The following SOS2 variants were observed in gnomAD, a reference collection of about 807,000 sequenced individuals.
SOS2 encodes the protein son of sevenless homolog 2.
Under a neutral mutation model 148.2 loss-of-function variants are expected in SOS2, and 65 were observed. That is an observed-to-expected ratio of 0.44 (90% CI 0.36 to 0.54). The LOEUF is 0.54. Among genes scored for constraint, SOS2 ranks in the 20% least tolerant of loss-of-function variants. The pLI is 0.00. For missense variants in SOS2, 1,341 were observed against 1,590.2 expected, an observed-to-expected ratio of 0.84 and a Z score of 2.67; for synonymous variants, 539 against 537.1, an observed-to-expected ratio of 1.00 and a Z score of -0.05.
chr14:50,134,580 T>C (rs558097002), intron 18 of SOS2, among the ~76,000 whole-genome samples: 1 of 152,262 alleles, frequency 6.6e-6, no homozygotes, highest in African/African-American at 2.4e-5. Context: ...TGATCATCAC[T>C]AGTAAGCTAC....
At chr14:50,193,925 A>G (rs150994305) in intron 4 of SOS2, among the ~76,000 whole-genome samples, 1,958 of 152,018 alleles carry the variant, frequency 0.013, 41 homozygotes, top group African/African-American at 0.043. Context: ...TTTGTATTTT[A>G]GTAGAGATGG....
chr14:50,138,230 C>G (rs547269122), intron 18 of SOS2, among the ~76,000 whole-genome samples: 1 of 152,164 alleles, frequency 6.6e-6, no homozygotes, highest in African/African-American at 2.4e-5. Context: ...TATCTCGGCT[C>G]ACTGCAACCT....
chr14:50,199,507 C>T (rs1950159509), intron 4 of SOS2, among the ~76,000 whole-genome samples, 184 bp downstream of exon 4: 1 of 152,010 alleles, frequency 6.6e-6, no homozygotes, highest in African/African-American at 2.4e-5. Flanking sequence ...AAAAAGAGAT[C>T]CCCATCCTGC....
intron 1 of SOS2, among the ~76,000 whole-genome samples, chr14:50,226,624 A>T (rs1887386238): frequency 6.6e-6 from 1 of 152,142 alleles, no homozygotes; most frequent in African/African-American, 2.4e-5. Flanking sequence ...TCGATATTTA[A>T]CCTGAATCTA....
intron 6 of SOS2, among the ~76,000 whole-genome samples, chr14:50,181,639 A>G (rs937610030): frequency 6.6e-6 from 1 of 152,146 alleles, no homozygotes; most frequent in Non-Finnish European, 1.5e-5. Flanking sequence ...ATACATTAAC[A>G]TGGACAATGT....
chr14:50,226,644 A>G (rs1437345947), intron 1 of SOS2, among the ~76,000 whole-genome samples: 1 of 152,240 alleles, frequency 6.6e-6, no homozygotes, highest in Non-Finnish European at 1.5e-5. Context: ...AATTGGACTC[A>G]GGAACAAAGT....
At chr14:50,121,534 G>T (rs1011961659) in intron 21 of SOS2, among the ~76,000 whole-genome samples, 4 of 145,584 alleles carry the variant, frequency 2.7e-5, no homozygotes, top group South Asian at 2.2e-4. Context: ...CTGGGGGAGG[G>T]GGGGGAGTCC....
chr14:50,209,321 G>GTGTGTGTGTGTGTGTGTGTGTGTGTGTC (rs1179515891), intron 1 of SOS2, among the ~76,000 whole-genome samples: 5 of 141,762 alleles, frequency 3.5e-5, no homozygotes, highest in Non-Finnish European at 7.6e-5. Context: ...GTGTGTGTGT[G>GTGTGTGTGTGTGTGTGTGTGTGTGTGTC]TCTCCTATTG....
intron 7 of SOS2, among the ~76,000 whole-genome samples, chr14:50,177,410 CTGAA>C (rs1369065259): frequency 3.3e-5 from 5 of 151,818 alleles, no homozygotes; most frequent in African/African-American, 7.3e-5. Flanking sequence ...TTATCTTAAA[CTGAA>C]TGAATTTTTT....
At chr14:50,161,789 C>CTTTT (rs36219580) in intron 8 of SOS2, among the ~76,000 whole-genome samples, 180 bp from the exon 9 acceptor site, 3 of 135,306 alleles carry the variant, frequency 2.2e-5, no homozygotes, top group Non-Finnish European at 4.8e-5. Flanking sequence ...CTTTTTCTTT[C>CTTTT]TTTTTTTTTT....
At chr14:50,221,405 A>T (rs552926212) in intron 1 of SOS2, among the ~76,000 whole-genome samples, 55 of 152,320 alleles carry the variant, frequency 3.6e-4, no homozygotes, top group African/African-American at 1.3e-3. Context: ...AGGTGCCTGC[A>T]CACAGTGAGT....
intron 12 of SOS2, 44 bp downstream of exon 12, chr14:50,156,955 A>ATC (rs1223070844): frequency 1.0e-6 from 1 of 975,616 alleles, no homozygotes; most frequent in South Asian, 1.5e-5. Context: ...GTGTGTGTAT[A>ATC]TATATGTGTA....
At chr14:50,136,693 G>A (rs1358327635) in intron 18 of SOS2, among the ~76,000 whole-genome samples, 3 of 151,072 alleles carry the variant, frequency 2.0e-5, no homozygotes, top group Middle Eastern at 3.2e-3. Context: ...GGGTCCAAGC[G>A]ATCCTCCCAC....
At chr14:50,229,947 T>C (rs541071242) in intron 1 of SOS2, among the ~76,000 whole-genome samples, 34 of 152,234 alleles carry the variant, frequency 2.2e-4, no homozygotes, top group Non-Finnish European at 4.9e-4. Context: ...CCTTACAGAA[T>C]TGGGCTGCAC....
At chr14:50,211,763 G>A (rs1393741640) in intron 1 of SOS2, among the ~76,000 whole-genome samples, 5 of 151,974 alleles carry the variant, frequency 3.3e-5, no homozygotes, top group Admixed American at 3.3e-4. Flanking sequence ...CAGCCTAGGA[G>A]GGAAAATTTT....
At chr14:50,125,782 G>C (rs1317985798) in intron 21 of SOS2, among the ~76,000 whole-genome samples, 1 of 152,158 alleles carries the variant, frequency 6.6e-6, no homozygotes, top group Admixed American at 6.5e-5. Flanking sequence ...TACTTAGTGA[G>C]GCCAGGCAAT....
intron 4 of SOS2, among the ~76,000 whole-genome samples, chr14:50,192,072 A>T (rs1886156392): frequency 6.9e-6 from 1 of 145,846 alleles, no homozygotes; most frequent in Non-Finnish European, 1.5e-5. Flanking sequence ...GGATCACTTG[A>T]GCTCTGGAGG....
At chr14:50,164,371 T>C (rs1289100037) in intron 8 of SOS2, among the ~76,000 whole-genome samples, 1 of 151,546 alleles carries the variant, frequency 6.6e-6, no homozygotes, top group African/African-American at 2.4e-5. Context: ...GCATGGGAGG[T>C]AGAGAATACA....
intron 1 of SOS2, among the ~76,000 whole-genome samples, chr14:50,223,776 C>T (rs767968052): frequency 2.0e-5 from 3 of 152,022 alleles, no homozygotes; most frequent in Non-Finnish European, 4.4e-5. Context: ...ATCATTGAGC[C>T]CAGGAGGTTA....
Sources: gnomAD v4.1 joint callset for allele counts (sites outside exome capture counted in the v4.1 genomes callset) on GRCh38, gnomAD v4.1.1 for gene constraint, MANE v1.5 for transcripts, NCBI Gene and HGNC (gene_info 2026-07-23, HGNC 2026-07-21) for gene names.